NT5C3B: variants seen among roughly 807,000 people sequenced by gnomAD.
NT5C3B encodes 7-methylguanosine phosphate-specific 5'-nucleotidase.
In NT5C3B, 28 loss-of-function variants were observed where a neutral mutation model predicts 32.5. That is an observed-to-expected ratio of 0.86 (90% CI 0.64 to 1.18). The LOEUF (loss-of-function observed/expected upper bound fraction) is 1.18, where lower values mean the gene tolerates loss of function less well. Ranked by LOEUF, NT5C3B falls within the 50% of genes most tolerant of loss-of-function variation. The pLI is 0.00. For missense variants in NT5C3B, 317 were observed against 322.0 expected (o/e 0.98, Z 0.12); for synonymous variants, 138 against 118.0 (o/e 1.17, Z -1.10).
chr17:41,830,286 G>A (rs1027385565), intron 6 of NT5C3B, among the ~76,000 whole-genome samples: 4 of 152,220 alleles, frequency 2.6e-5, no homozygotes, highest in South Asian at 2.1e-4. Context: ...CGAGGTGGGC[G>A]GATCACAAGG....
intron 6 of NT5C3B, among the ~76,000 whole-genome samples, chr17:41,830,466 G>A (rs1051225659): frequency 3.3e-5 from 5 of 152,162 alleles, no homozygotes; most frequent in South Asian, 2.1e-4. Context: ...CTGAGATTGC[G>A]CCACTGCACT....
At position 41,835,254 on chromosome 17, in the gene NT5C3B, T is replaced by C; in HGVS notation, c.130A>G (p.Met44Val). ...TTATATGCAAACCTGCTCAAGGTCA[T>C]GTCAAAATCAGAAATCACCTATAAG... ...DRLQVISDFD[M>V]TLSRFAYNGK... is the part of the protein sequence containing the mutation. Residue 44 changes from methionine to valine, a missense_variant, in exon 3 of 9, where the codon ATG becomes GTG. Physicochemically the swap from Met to Val is conservative, Grantham distance 21. Coordinates refer to ENST00000435506, the MANE Select transcript of NT5C3B (RefSeq NM_052935.5). The C allele has an allele frequency of 2.5e-6, 4 of 1,614,142 alleles. No individual in the cohort carries two copies. The highest frequency in any genetic ancestry group is 1.7e-5 in the Admixed American group (1 of 60,026).
Position 41,827,672 on chromosome 17 carries a change from A to C in NT5C3B, c.568-46T>G. 3.8e-6 allele frequency: 3 copies of C among 795,486 alleles called. No homozygotes were observed. The South Asian group carries it at 4.1e-5, about 11-fold the overall frequency. The allele number at this position is 795,486 out of a possible 1,614,324, so 49.3% of individuals were successfully genotyped here. A position where few individuals can be genotyped will look rare whatever the true frequency, so the allele number is the denominator to read the frequency against. ...ACAGATGGAAGGGCTGCAGGGACCC[A>C]TGTGGCACCAGCTCTCCACTGTCTC... is the stretch of plus-strand genomic sequence containing the variant. On this transcript the variant is annotated intron_variant, in intron 7 of 8. Transcript: ENST00000435506.
In NT5C3B at chr17:41,832,467, A is replaced by G. The variant is rs1555619182; in HGVS notation, c.239T>C (p.Leu80Pro). 6.2e-7 allele frequency: 1 copy of G among 1,613,386 alleles called. No individual in the cohort carries two copies. The highest frequency in any genetic ancestry group is 1.1e-5 in the South Asian group (1 of 91,064). ...SEECRKELTALLHHYYPIEID... is the reference protein window; with the variant it reads ...SEECRKELTAPLHHYYPIEID... ...CTCAATTGGGTAATAGTGGTGAAGG[A>G]GCGCTGTGAGCTGGGATATCCAAAT... The change falls in exon 5 of 9, where the codon CTC (leucine) becomes CCC (proline). Residue 80 changes from leucine to proline, a missense_variant. By Grantham distance (98) the Leu-to-Pro change is moderately conservative. Transcript: ENST00000435506.
At chr17:41,831,007 T>TA in intron 5 of NT5C3B, 117 bp from the exon 6 acceptor site, 1 of 717,826 alleles carries the variant, frequency 1.4e-6, no homozygotes, top group South Asian at 1.5e-5. Context: ...GCCTCATCCT[T>TA]ACGTTAGCTG....
At position 41,828,897 on chromosome 17, in the gene NT5C3B, T is replaced by A. The variant is rs542459559; in HGVS notation, c.460A>T (p.Ile154Phe). The A allele has an allele frequency of 6.2e-7, 1 of 1,614,000 alleles. No individual in the cohort carries two copies. The highest frequency in any genetic ancestry group is 1.1e-5 in the South Asian group (1 of 91,072). ...TLYHNNIPLF[I>F]FSAGIGDILE... ...ATATCACCAATGCCCGCAGAAAAGA[T>A]GAAAAGGGGAATGTTGTTATGGTAG... Residue 154 changes from isoleucine (I) to phenylalanine (F), a missense_variant, in exon 7 of 9, where the codon ATC becomes TTC. Physicochemically the swap from Ile to Phe is conservative, Grantham distance 21. Coordinates refer to ENST00000435506, the MANE Select transcript of NT5C3B (RefSeq NM_052935.5).
In NT5C3B at chr17:41,828,966, G is replaced by T. The variant is rs1555618654; in HGVS notation, c.405-14C>A. 1 of 1,599,166 alleles carries T rather than the reference G, an allele frequency of 6.3e-7. No homozygotes were observed. ...TTATATCCCTCCCTGAAAAGAGATG[G>T]AGGAATTCTGAAATGGCACTGCCTC... On this transcript the variant is annotated splice_polypyrimidine_tract_variant and intron_variant, in intron 6 of 8. Transcript: ENST00000435506.
Position 41,832,487 on chromosome 17 carries a change from C to T in NT5C3B, c.229-10G>A. 1 of 1,611,486 alleles carries T rather than the reference C, an allele frequency of 6.2e-7. No homozygotes were observed. Among genetic ancestry groups the T allele is most frequent in the East Asian group, 2.2e-5 (1 of 44,806 alleles). ...GAAGGAGCGCTGTGAGCTGGGATAT[C>T]CAAATGGGGAGAAAGGCCATTAGTC... is the stretch of plus-strand genomic sequence containing the variant. On this transcript the variant is annotated splice_polypyrimidine_tract_variant and intron_variant, in intron 4 of 8. Transcript: ENST00000435506.
At chr17:41,831,248 G>C (rs1322727427) in intron 5 of NT5C3B, among the ~76,000 whole-genome samples, 1 of 151,912 alleles carries the variant, frequency 6.6e-6, no homozygotes, top group South Asian at 2.1e-4. Flanking sequence ...GAACCCAGGA[G>C]GGGGAGGTTG....
At chr17:41,826,033 T>C (rs1180141584) in intron 8 of NT5C3B, among the ~76,000 whole-genome samples, 3 of 151,902 alleles carry the variant, frequency 2.0e-5, no homozygotes, top group Non-Finnish European at 4.4e-5. Context: ...TGGGTGCCTG[T>C]AGTCCCAGCT....
At chr17:41,835,786 G>A (rs910463651) in intron 2 of NT5C3B, 73 bp downstream of exon 2, 191 of 1,388,878 alleles carry the variant, frequency 1.4e-4, no homozygotes, top group Non-Finnish European at 1.8e-4. Flanking sequence ...AGAGCAAAGC[G>A]GGAAGGCCCA....
chr17:41,825,265 C>A lies in NT5C3B; in HGVS notation c.*258G>T. 2.4e-6 allele frequency: 1 copy of A among 417,842 alleles called. No individual in the cohort carries two copies. The highest frequency in any genetic ancestry group is 2.0e-5 in the African/African-American group (1 of 50,116). 25.9% of individuals were successfully genotyped at this position (417,842 alleles called of 1,614,324 possible). A position where few individuals can be genotyped will look rare whatever the true frequency, so the allele number is the denominator to read the frequency against. ...ATGTTTAAAAATTTTGAAGAAAATC[C>A]CTGGAGTAGACAATCCCTAGAGCAC... On this transcript the variant is annotated 3_prime_UTR_variant, in exon 9 of 9. Transcript: ENST00000435506.
At position 41,827,568 on chromosome 17, in the gene NT5C3B, G is replaced by A. The variant is rs1046403; in HGVS notation, c.626C>T (p.Ala209Val). The A allele has an allele frequency of 0.77, 659,998 of 860,298 alleles. 255,593 individuals carry two copies. Among genetic ancestry groups the A allele is most frequent in the Admixed American group, 0.87 (51,516 of 59,166 alleles). 53.3% of individuals were successfully genotyped at this position (860,298 alleles called of 1,614,324 possible). The change falls in exon 8 of 9, where the codon GCG becomes GTG. Residue 209 changes from alanine (A) to valine (V), a missense_variant. By Grantham distance (64) the Ala-to-Val change is moderately conservative (BLOSUM62 0). Coordinates refer to ENST00000435506, the MANE Select transcript of NT5C3B (RefSeq NM_052935.5). ...LIHTYNKNSS[A>V]CENSGYFQQL... Reference sequence around the variant, plus strand: ...CTGGAAGTAACCAGAGTTCTCACACGCAGAGCTGTTCTTGTTGTATGTGTG... The same window carrying A: ...CTGGAAGTAACCAGAGTTCTCACACACAGAGCTGTTCTTGTTGTATGTGTG...
chr17:41,830,285 C>T (rs1422479561), intron 6 of NT5C3B, among the ~76,000 whole-genome samples: 1 of 152,172 alleles, frequency 6.6e-6, no homozygotes, highest in East Asian at 1.9e-4. Context: ...CCGAGGTGGG[C>T]GGATCACAAG....
chr17:41,835,820 GC>G lies in NT5C3B; in HGVS notation c.111+38del, dbSNP rs782120234. On this transcript the variant is annotated intron_variant, in intron 2 of 8. Coordinates refer to ENST00000435506, the MANE Select transcript of NT5C3B (RefSeq NM_052935.5). ...CAATGGGCAGGAAGCCTCTCCAGCC[GC>G]CCCCAGCCCGGCCGGCCCCCGCACG... The G allele has an allele frequency of 4.5e-6, 7 of 1,555,458 alleles. No homozygotes were observed. The Admixed American group carries it at 9.2e-5, about 20-fold the overall frequency.
In NT5C3B at chr17:41,826,830, G is replaced by A. The variant is rs544787028; in HGVS notation, c.768+596C>T. On this transcript the variant is annotated intron_variant, in intron 8 of 8. Coordinates refer to ENST00000435506, the MANE Select transcript of NT5C3B (RefSeq NM_052935.5). Reference sequence around the variant, plus strand: ...AGCGTGACCAACGTGGAGAAACCCCGTCTCTACTAAAAATACAAAATGAAC... The same window carrying A: ...AGCGTGACCAACGTGGAGAAACCCCATCTCTACTAAAAATACAAAATGAAC... Among the ~76,000 whole-genome samples, 428 of 151,830 alleles carry A rather than the reference G, an allele frequency of 2.8e-3. 3 individuals are homozygous for A. The highest frequency in any genetic ancestry group is 1.0e-2 in the African/African-American group (413 of 41,486).
intron 6 of NT5C3B, 34 bp from the exon 7 acceptor site, chr17:41,828,986 T>C (rs1555618659): frequency 1.3e-6 from 2 of 1,574,866 alleles, no homozygotes; most frequent in South Asian, 2.3e-5. Flanking sequence ...GAAATGGCAC[T>C]GCCTCTACTG....
chr17:41,832,492 T>A lies in NT5C3B; in HGVS notation c.229-15A>T. 6.2e-7 allele frequency: 1 copy of A among 1,610,052 alleles called. No individual in the cohort carries two copies. The highest frequency in any genetic ancestry group is 8.5e-7 in the Non-Finnish European group (1 of 1,176,854). ...AGCGCTGTGAGCTGGGATATCCAAA[T>A]GGGGAGAAAGGCCATTAGTCCATAT... On this transcript the variant is annotated splice_polypyrimidine_tract_variant and intron_variant, in intron 4 of 8. Transcript: ENST00000435506.
intron 4 of NT5C3B, 42 bp downstream of exon 4, chr17:41,835,027 GC>G: frequency 1.9e-6 from 3 of 1,576,248 alleles, no homozygotes; most frequent in Non-Finnish European, 2.6e-6. Context: ...ATTTGAAGTA[GC>G]AAATGACAAC....
Sources: allele counts gnomAD v4.1 joint callset (sites outside exome capture counted in the v4.1 genomes callset), GRCh38; gene constraint gnomAD v4.1.1; transcripts MANE v1.5; gene names NCBI Gene and HGNC (gene_info 2026-07-23, HGNC 2026-07-21).